The following IPO11 variants were observed in gnomAD, a reference collection of about 807,000 sequenced individuals.
IPO11 encodes importin 11, also known as importin-11.
Under a neutral mutation model 143.2 loss-of-function variants are expected in IPO11, and 66 were observed. The observed-to-expected ratio is 0.46, with a 90% confidence interval of 0.38 to 0.57. The LOEUF (loss-of-function observed/expected upper bound fraction) is 0.57, where lower values mean the gene tolerates loss of function less well. Among genes scored for constraint, IPO11 ranks in the 20% least tolerant of loss-of-function variants. IPO11 has a pLI of 0.00. For synonymous variants in IPO11, 385 were observed against 377.8 expected (o/e 1.02, Z -0.22); for missense variants, 1,026 against 1,141.0 (o/e 0.90, Z 1.45).
At chr5:62,418,790 CCAAGT>C in intron 1 of IPO11, 1 of 413,886 alleles carries the variant, frequency 2.4e-6, no homozygotes, top group Non-Finnish European at 4.3e-6. Context: ...CGTATTGTCT[CCAAGT>C]CTCTGTTAAT....
At chr5:62,460,106 AAGAT>A (rs1431315314) in intron 5 of IPO11, among the ~76,000 whole-genome samples, 1 of 151,070 alleles carries the variant, frequency 6.6e-6, no homozygotes, top group Non-Finnish European at 1.5e-5. Context: ...TATCTGTGAA[AAGAT>A]AGATTTATTT....
At chr5:62,555,449 A>T (rs1743540538) in intron 26 of IPO11, among the ~76,000 whole-genome samples, 1 of 151,718 alleles carries the variant, frequency 6.6e-6, no homozygotes, top group Non-Finnish European at 1.5e-5. Context: ...AGTAGCTGTG[A>T]CTACAGATGC....
At chr5:62,482,442 C>T (rs1241555971) in intron 9 of IPO11, among the ~76,000 whole-genome samples, 1 of 152,178 alleles carries the variant, frequency 6.6e-6, no homozygotes, top group African/African-American at 2.4e-5. Context: ...AAATTTCCCT[C>T]TACACACTGC....
intron 2 of IPO11, among the ~76,000 whole-genome samples, chr5:62,440,060 A>G (rs898337594): frequency 5.3e-5 from 8 of 152,196 alleles, no homozygotes; most frequent in Non-Finnish European, 1.2e-4. Context: ...CATTTGCTCA[A>G]TAGAAAGTTA....
intron 28 of IPO11, among the ~76,000 whole-genome samples, chr5:62,598,097 C>T (rs1324398646): frequency 6.6e-6 from 1 of 152,132 alleles, no homozygotes; most frequent in Non-Finnish European, 1.5e-5. Context: ...GAAATCATTG[C>T]ATTAGATGTC....
intron 29 of IPO11, among the ~76,000 whole-genome samples, chr5:62,622,150 A>G (rs565982754): frequency 1.3e-5 from 2 of 152,064 alleles, no homozygotes; most frequent in South Asian, 2.1e-4. Flanking sequence ...TTTTCTTGAG[A>G]GGTTAGGCCT....
At chr5:62,422,922 G>C (rs531076142) in intron 1 of IPO11, among the ~76,000 whole-genome samples, 1 of 152,056 alleles carries the variant, frequency 6.6e-6, no homozygotes, top group African/African-American at 2.4e-5. Flanking sequence ...CTAGTGTCTG[G>C]CATTTGCAGG....
Position 62,424,544 on chromosome 5 carries a change from T to C in IPO11, c.-7+11615T>C, listed in dbSNP as rs577548164. 3.3e-5 allele frequency among the ~76,000 whole-genome samples: 5 copies of C among 151,714 alleles called. No individual in the cohort carries two copies. In the East Asian group the frequency reaches 9.7e-4, roughly 29 times the overall value. ...GCCTCTGCCACCTCAGCTTCTTGAG[T>C]AGCTGGGACCATAGGTGCATGCCAC... On this transcript the variant is annotated intron_variant, in intron 1 of 29. Coordinates refer to ENST00000325324, the MANE Select transcript of IPO11 (RefSeq NM_016338.5).
chr5:62,453,805 A>G (rs1280953025), intron 5 of IPO11, among the ~76,000 whole-genome samples: 1 of 152,078 alleles, frequency 6.6e-6, no homozygotes, highest in East Asian at 1.9e-4. Context: ...GTCACACCAC[A>G]TTGTGTCCTT....
intron 8 of IPO11, among the ~76,000 whole-genome samples, chr5:62,475,841 G>T (rs958847536): frequency 6.6e-6 from 1 of 152,186 alleles, no homozygotes; most frequent in Non-Finnish European, 1.5e-5. Context: ...CTGGTGGTCT[G>T]TTTGTTATCT....
chr5:62,563,444 A>G (rs1475439491), intron 27 of IPO11, among the ~76,000 whole-genome samples: 1 of 152,204 alleles, frequency 6.6e-6, no homozygotes, highest in African/African-American at 2.4e-5. Flanking sequence ...TACATTTTTA[A>G]TGAGAATACT....
chr5:62,474,421 T>A lies in IPO11; in HGVS notation c.714T>A (p.Phe238Leu), dbSNP rs1299968898. 1.9e-6 allele frequency: 3 copies of A among 1,554,236 alleles called. No homozygotes were observed. The South Asian group carries it at 3.6e-5, about 19-fold the overall frequency. Residue 238 changes from phenylalanine to leucine, a missense_variant, in exon 8 of 30, where the codon TTT becomes TTA. Transcript: ENST00000325324. ...EPHKNMEVMG[F>L]LHGIFERLKQ... ...AAAATAATATTCTTTTCTAGGGTTT[T>A]TTACATGGAATATTTGAACGTCTAA...
chr5:62,450,776 T>C (rs1192937516), intron 4 of IPO11, among the ~76,000 whole-genome samples: 2 of 152,086 alleles, frequency 1.3e-5, no homozygotes, highest in African/African-American at 2.4e-5. Context: ...TATGTACAGC[T>C]TTATCTTTTT....
intron 26 of IPO11, among the ~76,000 whole-genome samples, chr5:62,558,117 C>T (rs1404307186): frequency 1.3e-5 from 2 of 152,104 alleles, no homozygotes; most frequent in South Asian, 2.1e-4. Context: ...TGTGGTCATA[C>T]CAGTTGTTAA....
At chr5:62,623,919 G>A (rs950303792) in intron 29 of IPO11, among the ~76,000 whole-genome samples, 3 of 151,388 alleles carry the variant, frequency 2.0e-5, no homozygotes, top group African/African-American at 4.8e-5. Flanking sequence ...CACAATGCCC[G>A]GCCTTTTATG....
At chr5:62,414,576 A>G (rs923020852) in intron 1 of IPO11, among the ~76,000 whole-genome samples, 2 of 152,224 alleles carry the variant, frequency 1.3e-5, no homozygotes, top group African/African-American at 4.8e-5. Context: ...TATCAGACTT[A>G]TTACAGATAA....
chr5:62,582,935 A>G (rs1327482233), intron 27 of IPO11, among the ~76,000 whole-genome samples: 2 of 152,190 alleles, frequency 1.3e-5, no homozygotes, highest in Non-Finnish European at 2.9e-5. Context: ...AGGAGCTGAA[A>G]AGTAATTTTA....
intron 29 of IPO11, among the ~76,000 whole-genome samples, chr5:62,603,367 C>T (rs914830835): frequency 3.3e-5 from 5 of 152,228 alleles, no homozygotes; most frequent in African/African-American, 9.6e-5. Flanking sequence ...GGAGCACCTC[C>T]TACTGCCATG....
intron 6 of IPO11, among the ~76,000 whole-genome samples, chr5:62,468,956 C>T (rs1745663579): frequency 6.6e-6 from 1 of 152,176 alleles, no homozygotes; most frequent in Non-Finnish European, 1.5e-5. Flanking sequence ...TTCATTATTT[C>T]ATTCGACAAA....
Sources: gnomAD v4.1 joint callset for allele counts (sites outside exome capture counted in the v4.1 genomes callset) on GRCh38, gnomAD v4.1.1 for gene constraint, MANE v1.5 for transcripts, NCBI Gene and HGNC (gene_info 2026-07-23, HGNC 2026-07-21) for gene names.